The following NKAIN3 variants were observed in gnomAD, a reference collection of about 807,000 sequenced individuals.
The protein encoded by NKAIN3 is sodium/potassium transporting ATPase interacting 3.
NKAIN3 carries 25 observed loss-of-function variants against 30.2 expected under a neutral mutation model. The observed-to-expected ratio is 0.83, with a 90% CI of 0.60 to 1.16. NKAIN3 has a LOEUF of 1.16. NKAIN3 is among the 50% of genes most tolerant of loss of function. NKAIN3 has a pLI of 0.00. For missense variants in NKAIN3, 225 were observed against 254.1 expected (o/e 0.89, Z 0.78); for synonymous variants, 91 against 89.6 (o/e 1.02, Z -0.09).
chr8:62,530,906 A>C (rs1023287661), intron 1 of NKAIN3, among the ~76,000 whole-genome samples: 1 of 152,034 alleles, frequency 6.6e-6, no homozygotes, highest in South Asian at 2.1e-4. Context: ...CGGCCTCCCA[A>C]CGTGCTGGAA....
intron 1 of NKAIN3, among the ~76,000 whole-genome samples, chr8:62,470,604 G>T (rs1339740509): frequency 6.6e-6 from 1 of 152,038 alleles, no homozygotes; most frequent in African/African-American, 2.4e-5. Flanking sequence ...CTCCTGCATT[G>T]CAGTGTTCAT....
chr8:62,990,195 A>G (rs1182122780), intron 5 of NKAIN3: 1 of 1,528,378 alleles, frequency 6.5e-7, no homozygotes, highest in Admixed American at 1.9e-5. Flanking sequence ...GTATGCAAAC[A>G]TCTTTTTATC....
Position 62,249,004 on chromosome 8 carries a change from A to T in NKAIN3, c.-70A>T. On this transcript the variant is annotated 5_prime_UTR_variant, in exon 1 of 7. Coordinates refer to ENST00000623646, the MANE Select transcript of NKAIN3 (RefSeq NM_001304533.3). ...CCGGGCCGGGCGGGGACTACTCCGG[A>T]GTCAGGAGGCAGCAGCGGCGGAGGA... is the stretch of plus-strand genomic sequence containing the variant. The T allele has an allele frequency of 1.4e-6, 2 of 1,399,342 alleles. No homozygotes were observed. Among genetic ancestry groups the T allele is most frequent in the South Asian group, 2.5e-5 (2 of 80,178 alleles). The allele number at this position is 1,399,342 out of a possible 1,614,324, so 86.7% of individuals were successfully genotyped here. A position where few individuals can be genotyped will look rare whatever the true frequency, so the allele number is the denominator to read the frequency against.
At chr8:62,319,501 A>G (rs781392959) in intron 1 of NKAIN3, among the ~76,000 whole-genome samples, 8 of 151,422 alleles carry the variant, frequency 5.3e-5, no homozygotes, top group Admixed American at 2.0e-4. Flanking sequence ...ACACTGCTTT[A>G]TATGTGTCCC....
intron 3 of NKAIN3, among the ~76,000 whole-genome samples, chr8:62,729,496 T>A (rs1319563469): frequency 6.6e-6 from 1 of 152,192 alleles, no homozygotes; most frequent in Non-Finnish European, 1.5e-5. Flanking sequence ...TCTTACCATA[T>A]GATCTAGCAA....
intron 4 of NKAIN3, among the ~76,000 whole-genome samples, chr8:62,845,276 G>A (rs1361863546): frequency 2.4e-5 from 1 of 41,616 alleles, no homozygotes; most frequent in Non-Finnish European, 5.9e-5. Context: ...TGACCTGCTG[G>A]ATAGTAGATT....
intron 4 of NKAIN3, among the ~76,000 whole-genome samples, chr8:62,836,057 G>T (rs1461234698): frequency 6.6e-6 from 1 of 151,930 alleles, no homozygotes; most frequent in Non-Finnish European, 1.5e-5. Context: ...GCAGCTGGAG[G>T]CCATTATCCT....
chr8:62,615,890 T>C (rs1737762053), intron 3 of NKAIN3, among the ~76,000 whole-genome samples: 1 of 152,104 alleles, frequency 6.6e-6, no homozygotes, highest in Non-Finnish European at 1.5e-5. Flanking sequence ...TTTTAATCTC[T>C]TCAGTGCCTC....
chr8:62,452,631 A>T (rs62511484), intron 1 of NKAIN3, among the ~76,000 whole-genome samples: 49,345 of 152,112 alleles, frequency 0.32, 9,479 homozygotes, highest in South Asian at 0.45. Flanking sequence ...TCAGAAATGA[A>T]ACTTACAAAA....
In NKAIN3 at chr8:62,934,447, C is replaced by CA. The variant is rs1159025528; in HGVS notation, c.532+15940dup. On this transcript the variant is annotated intron_variant, in intron 5 of 6. Transcript: ENST00000623646. Reference sequence around the variant, plus strand: ...TTTTCCAAATGTGAGAAAATCAACACAAAAAAGTTTTTATCTGTTAGGGGA... The same window carrying CA: ...TTTTCCAAATGTGAGAAAATCAACACAAAAAAAGTTTTTATCTGTTAGGGGA... Among the ~76,000 whole-genome samples, 9 of 151,726 alleles carry CA rather than the reference C, an allele frequency of 5.9e-5. 1 individual carries two copies. Among genetic ancestry groups the CA allele is most frequent in the African/African-American group, 1.7e-4 (7 of 41,212 alleles).
intron 1 of NKAIN3, among the ~76,000 whole-genome samples, chr8:62,370,342 A>G (rs1816868699): frequency 6.6e-6 from 1 of 152,062 alleles, no homozygotes; most frequent in South Asian, 2.1e-4. Context: ...TTTTTCTTAT[A>G]TGATTCAGCC....
chr8:62,849,606 C>T (rs566947302), intron 4 of NKAIN3, among the ~76,000 whole-genome samples: 3 of 130,890 alleles, frequency 2.3e-5, no homozygotes, highest in Non-Finnish European at 4.9e-5. Context: ...CCCCTCCCCC[C>T]CACCCACCCC....
chr8:62,933,757 T>C (rs1252733055), intron 5 of NKAIN3, among the ~76,000 whole-genome samples: 1 of 152,216 alleles, frequency 6.6e-6, no homozygotes, highest in Admixed American at 6.5e-5. Context: ...AATAAAAATG[T>C]TGAATAGCTC....
Position 62,967,975 on chromosome 8 carries a change from A to C in NKAIN3, c.*2568A>C, listed in dbSNP as rs771068412. The stretch of plus-strand genomic sequence containing the variant: ...CCTTACCTTAGTGATTTGTCTATGA[A>C]TATTCAATGTAGGCAACTATTTAAT... On this transcript the variant is annotated 3_prime_UTR_variant, in exon 7 of 7. Transcript: ENST00000623646. Among the ~76,000 whole-genome samples the C allele has an allele frequency of 6.6e-6, 1 of 152,216 alleles. No individual in the cohort carries two copies. Among genetic ancestry groups the C allele is most frequent in the African/African-American group, 2.4e-5 (1 of 41,466 alleles).
intron 4 of NKAIN3, among the ~76,000 whole-genome samples, chr8:62,877,832 G>A (rs1433935650): frequency 6.6e-6 from 1 of 152,126 alleles, no homozygotes; most frequent in Non-Finnish European, 1.5e-5. Flanking sequence ...CCTGAGGTTC[G>A]GAGTTCAAGA....
chr8:62,518,667 G>GT (rs1808066761), intron 1 of NKAIN3, among the ~76,000 whole-genome samples: 1 of 152,002 alleles, frequency 6.6e-6, no homozygotes. Flanking sequence ...TTTAAAAATT[G>GT]TTTTTTCCTA....
chr8:62,497,525 G>A (rs1807281664), intron 1 of NKAIN3, among the ~76,000 whole-genome samples: 1 of 151,862 alleles, frequency 6.6e-6, no homozygotes, highest in African/African-American at 2.4e-5. Context: ...CTAAGTAAGA[G>A]GACAATGGCC....
chr8:62,427,737 A>T (rs1445356401), intron 1 of NKAIN3, among the ~76,000 whole-genome samples: 2 of 151,952 alleles, frequency 1.3e-5, no homozygotes, highest in African/African-American at 4.8e-5. Flanking sequence ...TGTACACATT[A>T]TAGGGTACAT....
chr8:62,484,292 C>A lies in NKAIN3; in HGVS notation c.55-95247C>A, dbSNP rs575747764. On this transcript the variant is annotated intron_variant, in intron 1 of 6. Coordinates refer to ENST00000623646, the MANE Select transcript of NKAIN3 (RefSeq NM_001304533.3). The stretch of plus-strand genomic sequence containing the variant: ...ATTTCCCTCTTTCCAGGATGTCTCG[C>A]CCCCAGGCATCTTCCTACCCCAACA... Among the ~76,000 whole-genome samples, 7 of 152,310 alleles carry A rather than the reference C, an allele frequency of 4.6e-5. No homozygotes were observed. The South Asian group carries it at 1.4e-3, about 32-fold the overall frequency.
Sources: gnomAD v4.1 joint callset for allele counts (sites outside exome capture counted in the v4.1 genomes callset) on GRCh38, gnomAD v4.1.1 for gene constraint, MANE v1.5 for transcripts, NCBI Gene and HGNC (gene_info 2026-07-23, HGNC 2026-07-21) for gene names.